The following ADGRL3 variants were observed in gnomAD, a reference collection of about 807,000 sequenced individuals.
The protein encoded by ADGRL3 is calcium-independent alpha-latrotoxin receptor 3.
In ADGRL3, 62 loss-of-function variants were observed where a neutral mutation model predicts 153.5. That is an observed-to-expected ratio of 0.40 (90% confidence interval 0.33 to 0.50). The LOEUF (loss-of-function observed/expected upper bound fraction) is 0.50, where lower values mean the gene tolerates loss of function less well. ADGRL3 is among the 20% of genes least tolerant of loss of function. The pLI, the probability that ADGRL3 is intolerant of heterozygous loss-of-function variation, is 0.47. For missense variants in ADGRL3, 1,641 were observed against 1,859.4 expected, an observed-to-expected ratio of 0.88 and a Z score of 2.16; for synonymous variants, 710 against 672.5, an observed-to-expected ratio of 1.06 and a Z score of -0.86.
rs756119081 is a variant in ADGRL3 at position 61,892,721 on chromosome 4, A to G, written c.1546A>G (p.Thr516Ala). 8.1e-6 allele frequency: 13 copies of G among 1,613,802 alleles called. No individual in the cohort carries two copies. The highest frequency in any genetic ancestry group is 1.1e-5 in the South Asian group (1 of 91,088). Residue 516 changes from threonine to alanine, a missense_variant, in exon 10 of 27, where the codon ACT (threonine) becomes GCT (alanine). Coordinates refer to ENST00000683033, the MANE Select transcript of ADGRL3 (RefSeq NM_001387552.1). ...CACCAGTACCACCCTTCGGACCACAACTTTGAGCCCAGGAAGGAGTACCAC... is the reference window on the plus strand; with the variant it reads ...CACCAGTACCACCCTTCGGACCACAGCTTTGAGCCCAGGAAGGAGTACCAC... The part of the protein sequence containing the change: ...TTTSTTLRTT[T>A]LSPGRSTTPS...
rs546916756 is a variant in ADGRL3 at position 61,383,104 on chromosome 4, AT to A, written c.-239-13del. 49 of 151,792 alleles carry A rather than the reference AT, an allele frequency of 3.2e-4. No homozygotes were observed. Among genetic ancestry groups the A allele is most frequent in the South Asian group, 2.3e-3 (11 of 4,832 alleles). The allele number at this position is 151,792 out of a possible 1,614,324, so 9.4% of individuals were successfully genotyped here. A position where few individuals can be genotyped will look rare whatever the true frequency, so the allele number is the denominator to read the frequency against. The stretch of plus-strand genomic sequence containing the variant: ...AATTTTTCTCATAATCAAATTAAAT[AT>A]TTTTTTCTTTTTTTTCAGAAATGTT... On this transcript the variant is annotated intron_variant, in intron 1 of 26. Transcript: ENST00000683033.
At chr4:61,315,377 G>A (rs182657147) in intron 1 of ADGRL3, among the ~76,000 whole-genome samples, 30 of 152,240 alleles carry the variant, frequency 2.0e-4, no homozygotes, top group Admixed American at 7.8e-4. Context: ...AGGTCCTGTC[G>A]AACTGCTTAT....
Position 61,255,415 on chromosome 4 carries a change from C to T in ADGRL3, c.-240+53650C>T, listed in dbSNP as rs376430630. ...TTTCTTCTCCGCTGTATGGAGAAGA[C>T]TGTCATGAGTGAACTTGGCAATTGC... On this transcript the variant is annotated intron_variant, in intron 1 of 26. Coordinates refer to ENST00000683033, the MANE Select transcript of ADGRL3 (RefSeq NM_001387552.1). 5.9e-5 allele frequency among the ~76,000 whole-genome samples: 9 copies of T among 152,220 alleles called. No homozygotes were observed. The East Asian group carries it at 1.5e-3, about 26-fold the overall frequency.
At chr4:61,674,245 C>T (rs2095111337) in intron 5 of ADGRL3, among the ~76,000 whole-genome samples, 1 of 151,408 alleles carries the variant, frequency 6.6e-6, no homozygotes, top group Non-Finnish European at 1.5e-5. Context: ...ATAAACATAA[C>T]CATTTGAAAT....
At chr4:61,563,880 C>T (rs578215714) in intron 4 of ADGRL3, among the ~76,000 whole-genome samples, 16 of 152,094 alleles carry the variant, frequency 1.1e-4, no homozygotes, top group East Asian at 5.8e-4. Context: ...TGGTGGTGCG[C>T]GCCTGTGATC....
chr4:61,286,089 A>G (rs2093930216), intron 1 of ADGRL3, among the ~76,000 whole-genome samples: 1 of 151,640 alleles, frequency 6.6e-6, no homozygotes, highest in South Asian at 2.1e-4. Context: ...TAGATCTTAA[A>G]TATATTAAAA....
chr4:61,205,089 T>C (rs1236113469), intron 1 of ADGRL3, among the ~76,000 whole-genome samples: 1 of 152,220 alleles, frequency 6.6e-6, no homozygotes, highest in Admixed American at 6.5e-5. Context: ...TGATTTACCA[T>C]TGATTCCTTT....
chr4:61,860,959 A>G (rs1485627026), intron 9 of ADGRL3, among the ~76,000 whole-genome samples: 2 of 152,180 alleles, frequency 1.3e-5, no homozygotes, highest in Admixed American at 1.3e-4. Flanking sequence ...CCTAAGCCAC[A>G]CTGCCAAATA....
At position 61,629,714 on chromosome 4, in the gene ADGRL3, C is replaced by G. The variant is rs1486861095; in HGVS notation, c.473+42274C>G. On this transcript the variant is annotated intron_variant, in intron 5 of 26. Transcript: ENST00000683033. ...CCTAGGCGACAATGCAAGACTCCGT[C>G]TCGGGGCAAAAAAAAAAAAAAAAAA... is the stretch of plus-strand genomic sequence containing the variant. Among the ~76,000 whole-genome samples the G allele has an allele frequency of 5.5e-5, 5 of 90,298 alleles. No homozygotes were observed. The Admixed American group carries it at 5.9e-4, about 11-fold the overall frequency. 59.2% of individuals were successfully genotyped at this position (90,298 alleles called of 152,430 possible).
rs566866423 is a variant in ADGRL3, at chr4:61,763,125, G to A, written c.1399+29571G>A. On this transcript the variant is annotated intron_variant, in intron 8 of 26. Coordinates refer to ENST00000683033, the MANE Select transcript of ADGRL3 (RefSeq NM_001387552.1). ...ACTTTTCTTGCACACTTTGCATAAA[G>A]ATTTTTTTTCTTTACTCTTTTTATT... Among the ~76,000 whole-genome samples the A allele has an allele frequency of 2.7e-5, 4 of 150,618 alleles. No individual in the cohort carries two copies. In the South Asian group the frequency reaches 8.4e-4, roughly 32 times the overall value.
At chr4:61,606,633 T>C (rs1391046079) in intron 5 of ADGRL3, among the ~76,000 whole-genome samples, 1 of 152,174 alleles carries the variant, frequency 6.6e-6, no homozygotes, top group African/African-American at 2.4e-5. Flanking sequence ...AAAGGCCCCG[T>C]CTTCAAATAT....
chr4:61,381,909 T>C (rs1406214407), intron 1 of ADGRL3, among the ~76,000 whole-genome samples: 2 of 152,004 alleles, frequency 1.3e-5, no homozygotes, highest in African/African-American at 2.4e-5. Flanking sequence ...ACCTCACTAA[T>C]TGGGCAAATA....
intron 12 of ADGRL3, among the ~76,000 whole-genome samples, 158 bp from the exon 13 acceptor site, chr4:61,912,561 A>T (rs2098726616): frequency 6.6e-6 from 1 of 152,214 alleles, no homozygotes. Flanking sequence ...TTGCTTGCTT[A>T]CATTTTGCTG....
intron 4 of ADGRL3, among the ~76,000 whole-genome samples, chr4:61,529,367 A>G (rs138513916): frequency 6.6e-5 from 10 of 152,238 alleles, no homozygotes; most frequent in Non-Finnish European, 1.2e-4. Flanking sequence ...AGCAAACACT[A>G]TATTACATGT....
chr4:61,405,479 A>C (rs1292147439), intron 2 of ADGRL3, among the ~76,000 whole-genome samples: 1 of 151,950 alleles, frequency 6.6e-6, no homozygotes, highest in Non-Finnish European at 1.5e-5. Context: ...AATTTTGTTA[A>C]GAGTTACTGA....
rs191738710 is a variant in ADGRL3, at chr4:61,293,232, G to A, written c.-239-89892G>A. Among the ~76,000 whole-genome samples the A allele has an allele frequency of 9.2e-5, 14 of 152,224 alleles. No homozygotes were observed. The East Asian group carries it at 2.5e-3, about 27-fold the overall frequency. On this transcript the variant is annotated intron_variant, in intron 1 of 26. Coordinates refer to ENST00000683033, the MANE Select transcript of ADGRL3 (RefSeq NM_001387552.1). The stretch of plus-strand genomic sequence containing the variant: ...AAACAGACTCACCAGAAGGAAAAGC[G>A]CAGACACAGAGAGTGGAGAGTATAC...
In ADGRL3 at chr4:61,201,088, C is replaced by T. The variant is rs934754264; in HGVS notation, c.-917C>T. Among the ~76,000 whole-genome samples, 1 of 152,128 alleles carries T rather than the reference C, an allele frequency of 6.6e-6. No individual in the cohort carries two copies. The highest frequency in any genetic ancestry group is 2.4e-5 in the African/African-American group (1 of 41,436). ...GGAGGACGGTTTGGCGGAGAAGCCA[C>T]CCCTGGCCCTCGCGGCTCCCCCTAC... On this transcript the variant is annotated 5_prime_UTR_variant, in exon 1 of 27. Transcript: ENST00000683033.
At chr4:61,986,493 T>A (rs2099085954) in intron 19 of ADGRL3, among the ~76,000 whole-genome samples, 1 of 152,194 alleles carries the variant, frequency 6.6e-6, no homozygotes, top group African/African-American at 2.4e-5. Context: ...GCTTTGGCCA[T>A]CATTGCTTTA....
intron 8 of ADGRL3, among the ~76,000 whole-genome samples, chr4:61,762,401 G>A (rs1244694430): frequency 6.6e-6 from 1 of 152,066 alleles, no homozygotes; most frequent in Non-Finnish European, 1.5e-5. Flanking sequence ...CAAGATGAGA[G>A]AACATATTAT....
Sources: allele counts gnomAD v4.1 joint callset (sites outside exome capture counted in the v4.1 genomes callset), GRCh38; gene constraint gnomAD v4.1.1; transcripts MANE v1.5; gene names NCBI Gene and HGNC (gene_info 2026-07-23, HGNC 2026-07-21).